TMEM178B: variants seen among roughly 807,000 people sequenced by gnomAD.
TMEM178B encodes transmembrane protein 178B.
TMEM178B carries 5 observed loss-of-function variants against 31.0 expected under a neutral mutation model. The ratio of observed to expected loss-of-function variants is 0.16; its 90% CI spans 0.08 to 0.34. The LOEUF is 0.34. Among genes scored for constraint, TMEM178B ranks in the 10% least tolerant of loss-of-function variants. The probability of loss-of-function intolerance (pLI) is 1.00; values close to 1 mark genes in which losing one functional copy is unlikely to be tolerated. For missense variants in TMEM178B, 275 were observed against 400.3 expected (o/e 0.69, Z 2.67); for synonymous variants, 164 against 164.0 (o/e 1.00, Z 0.00).
At chr7:141,444,555 G>T (rs1310108856) in intron 3 of TMEM178B, among the ~76,000 whole-genome samples, 1 of 152,102 alleles carries the variant, frequency 6.6e-6, no homozygotes, top group Non-Finnish European at 1.5e-5. Flanking sequence ...ATTCTTTTTG[G>T]AGATAGAGTA....
At chr7:141,093,202 G>A (rs1244415745) in intron 1 of TMEM178B, among the ~76,000 whole-genome samples, 1 of 152,068 alleles carries the variant, frequency 6.6e-6, no homozygotes. Context: ...CAGCAAAGAT[G>A]GTGACTAGAA....
chr7:141,203,310 G>A (rs757191170), intron 1 of TMEM178B, among the ~76,000 whole-genome samples: 8 of 152,042 alleles, frequency 5.3e-5, no homozygotes, highest in East Asian at 1.9e-4. Flanking sequence ...GCCAGGCCTC[G>A]GGCTAGAAAG....
chr7:141,148,770 T>C (rs552673491), intron 1 of TMEM178B, among the ~76,000 whole-genome samples: 1 of 152,260 alleles, frequency 6.6e-6, no homozygotes, highest in South Asian at 2.1e-4. Flanking sequence ...AGTCACATGG[T>C]TCTAAGTGCC....
At chr7:141,338,502 C>G (rs551394189) in intron 2 of TMEM178B, among the ~76,000 whole-genome samples, 1 of 152,276 alleles carries the variant, frequency 6.6e-6, no homozygotes, top group East Asian at 1.9e-4. Context: ...AGTGCCTGCC[C>G]TCTATTTGAT....
chr7:141,231,930 G>A (rs1220690016), intron 2 of TMEM178B, among the ~76,000 whole-genome samples: 2 of 152,148 alleles, frequency 1.3e-5, no homozygotes, highest in African/African-American at 4.8e-5. Flanking sequence ...ACATCTATTA[G>A]CTATTCTTCC....
intron 2 of TMEM178B, among the ~76,000 whole-genome samples, chr7:141,228,961 G>A (rs377075048): frequency 6.7e-5 from 10 of 149,652 alleles, no homozygotes; most frequent in African/African-American, 2.5e-4. Flanking sequence ...TCAGTGAGAT[G>A]GAGTCTCCAG....
At chr7:141,252,230 A>G (rs1485366150) in intron 2 of TMEM178B, among the ~76,000 whole-genome samples, 1 of 152,120 alleles carries the variant, frequency 6.6e-6, no homozygotes, top group Non-Finnish European at 1.5e-5. Context: ...ATGGATGGGA[A>G]GGTTGCAAAA....
intron 1 of TMEM178B, among the ~76,000 whole-genome samples, chr7:141,205,158 T>C (rs1303746406): frequency 6.6e-6 from 1 of 152,168 alleles, no homozygotes; most frequent in Non-Finnish European, 1.5e-5. Context: ...TGCTGGAAAC[T>C]GCTCTTTGAA....
chr7:141,359,965 C>G (rs1355499643), intron 2 of TMEM178B, among the ~76,000 whole-genome samples: 4 of 152,138 alleles, frequency 2.6e-5, no homozygotes, highest in African/African-American at 7.2e-5. Context: ...TCTCTTGAGA[C>G]TTATTCACTC....
At chr7:141,482,799 T>C (rs571941932), downstream of TMEM178B, among the ~76,000 whole-genome samples, 6 of 151,932 alleles carry the variant, frequency 3.9e-5, no homozygotes, top group African/African-American at 1.4e-4. Flanking sequence ...CCAGTGGATT[T>C]CAACGGACAG....
intron 2 of TMEM178B, among the ~76,000 whole-genome samples, chr7:141,293,192 C>T (rs1417625988): frequency 1.3e-5 from 2 of 152,166 alleles, no homozygotes; most frequent in African/African-American, 4.8e-5. Flanking sequence ...CTCAAAGATA[C>T]AAGACCTGAC....
chr7:141,134,281 A>T (rs551627069), intron 1 of TMEM178B, among the ~76,000 whole-genome samples: 1 of 152,186 alleles, frequency 6.6e-6, no homozygotes, highest in African/African-American at 2.4e-5. Flanking sequence ...AAAACCCAAC[A>T]CAACAATGTG....
chr7:141,344,614 TC>T lies in TMEM178B; in HGVS notation c.497-92992del, dbSNP rs1799584789. Among the ~76,000 whole-genome samples the T allele has an allele frequency of 6.8e-6, 1 of 146,324 alleles. No homozygotes were observed. Among genetic ancestry groups the T allele is most frequent in the Non-Finnish European group, 1.5e-5 (1 of 67,278 alleles). ...TTCCTTCCTTCCTTCCTTCCTTCCT[TC>T]CTTCCTTCCTTCCTCCCTTCCTTCT... On this transcript the variant is annotated intron_variant, in intron 2 of 3. Coordinates refer to ENST00000565468, the MANE Select transcript of TMEM178B (RefSeq NM_001195278.2). This position sits in a 1 kb window ranked among gnomAD's most constrained non-coding sequence, Gnocchi z 4.1.
At chr7:141,219,114 C>CGACGTTTCCTCCCA (rs1797212463) in intron 2 of TMEM178B, among the ~76,000 whole-genome samples, 1 of 152,174 alleles carries the variant, frequency 6.6e-6, no homozygotes. Context: ...GAGGATCACT[C>CGACGTTTCCTCCCA]GACGTTTCCT....
At position 141,171,267 on chromosome 7, in the gene TMEM178B, ACATTGTGAGAC is replaced by A. The variant is rs1408310941; in HGVS notation, c.383-41322_383-41312del. Among the ~76,000 whole-genome samples, 25 of 152,178 alleles carry A rather than the reference ACATTGTGAGAC, an allele frequency of 1.6e-4. No homozygotes were observed. The highest frequency in any genetic ancestry group is 3.1e-4 in the Non-Finnish European group (21 of 68,032). On this transcript the variant is annotated intron_variant, in intron 1 of 3. Transcript: ENST00000565468. The surrounding 1 kb of genome is among the most constrained non-coding windows in gnomAD (Gnocchi z 4.3). ...CAGGAGTTGGAGACCAGCCAAGGCAACATTGTGAGACCCTGTCTCTGGAAAAAAACCAAAAT... is the reference window on the plus strand; with the variant it reads ...CAGGAGTTGGAGACCAGCCAAGGCAACCTGTCTCTGGAAAAAAACCAAAAT...
At chr7:141,366,510 G>T (rs1308591705) in intron 2 of TMEM178B, among the ~76,000 whole-genome samples, 1 of 152,184 alleles carries the variant, frequency 6.6e-6, no homozygotes, top group Non-Finnish European at 1.5e-5. Context: ...TGCATGTCTG[G>T]TCTGTATGTG....
intron 2 of TMEM178B, among the ~76,000 whole-genome samples, chr7:141,350,291 A>G (rs991975937): frequency 6.6e-6 from 1 of 151,898 alleles, no homozygotes; most frequent in African/African-American, 2.4e-5. Context: ...AGCCCTCTCC[A>G]TGCCTTTCTA....
rs1334491415 is a variant in TMEM178B, at chr7:141,470,546, C to T, written c.645C>T (p.Cys215=). The T allele has an allele frequency of 1.3e-6, 2 of 1,519,146 alleles. No homozygotes were observed. Among genetic ancestry groups the T allele is most frequent in the Admixed American group, 2.0e-5 (1 of 48,896 alleles). 94.1% of individuals were successfully genotyped at this position (1,519,146 alleles called of 1,614,324 possible). A position where few individuals can be genotyped will look rare whatever the true frequency, so the allele number is the denominator to read the frequency against. The change falls in exon 4 of 4, where the codon TGC becomes TGT. Residue 215 remains cysteine (C), a synonymous_variant. Coordinates refer to ENST00000565468, the MANE Select transcript of TMEM178B (RefSeq NM_001195278.2). ...GLLFLMGGTF[C]IISLCTCVAG... ...TCCCTTGTCCTCCAGGAACCTTCTG[C>T]ATCATTTCACTGTGCACCTGTGTGG...
chr7:141,097,789 CTTTCTT>C (rs1321521969), intron 1 of TMEM178B, among the ~76,000 whole-genome samples: 14 of 136,538 alleles, frequency 1.0e-4, no homozygotes, highest in African/African-American at 4.3e-4. Flanking sequence ...CTTTTTCTTT[CTTTCTT>C]TTTTTTTTTT....
Sources: gnomAD v4.1 joint callset for allele counts (sites outside exome capture counted in the v4.1 genomes callset) on GRCh38, gnomAD v4.1.1 for gene constraint, Gnocchi (gnomAD v3.1) non-coding constraint, MANE v1.5 for transcripts, NCBI Gene and HGNC (gene_info 2026-07-23, HGNC 2026-07-21) for gene names.